The following MTERF4 variants were observed in gnomAD, a reference collection of about 807,000 sequenced individuals.
MTERF4 encodes the protein mitochondrial transcription termination factor 4.
Under a neutral mutation model 22.5 loss-of-function variants are expected in MTERF4, and 17 were observed. That is an observed-to-expected ratio of 0.75 (90% CI 0.52 to 1.13). The LOEUF (loss-of-function observed/expected upper bound fraction) is 1.13, where lower values mean the gene tolerates loss of function less well. Among genes scored for constraint, MTERF4 ranks in the 50% most tolerant of loss-of-function variants. The probability of loss-of-function intolerance (pLI) is 0.00; values close to 1 mark genes in which losing one functional copy is unlikely to be tolerated. For synonymous variants in MTERF4, 165 were observed against 175.3 expected, an observed-to-expected ratio of 0.94 and a Z score of 0.47; for missense variants, 420 against 466.8, an observed-to-expected ratio of 0.90 and a Z score of 0.92.
At chr2:241,067,911 C>A, downstream of MTERF4, 1 of 1,613,388 alleles carries the variant, frequency 6.2e-7, no homozygotes, top group Non-Finnish European at 8.5e-7. Flanking sequence ...GACCAGGCCA[C>A]CGATGTGGAC....
At chr2:241,072,313 G>A (rs368313016) in exon 5 of MTERF4, 24 of 428,600 alleles carry the variant, frequency 5.6e-5, no homozygotes, top group African/African-American at 2.2e-4. Flanking sequence ...AGATCTTCCC[G>A]GTGGCAGCAA....
chr2:241,102,233 C>A lies in MTERF4; in HGVS notation c.21+20G>T, dbSNP rs2064746821. 2 of 1,548,774 alleles carry A rather than the reference C, an allele frequency of 1.3e-6. No homozygotes were observed. Among genetic ancestry groups the A allele is most frequent in the Non-Finnish European group, 1.7e-6 (2 of 1,145,896 alleles). On this transcript the variant is annotated intron_variant, in intron 1 of 3. Transcript: ENST00000391980. ...CCCGCCTGCGACCCGGAGAAGCCCG[C>A]GCGCCCAGCTCGAGCTTACCTGACG...
At chr2:241,094,075 A>G (rs530873762), downstream of MTERF4, 107 of 333,468 alleles carry the variant, frequency 3.2e-4, no homozygotes, top group African/African-American at 2.2e-3. This position sits in a 1 kb window ranked among gnomAD's most constrained non-coding sequence, Gnocchi z 4.3. Flanking sequence ...CCACAATGGA[A>G]GAGAAAATGA....
chr2:241,101,468 A>G (rs568684813), intron 1 of MTERF4, among the ~76,000 whole-genome samples: 26 of 152,156 alleles, frequency 1.7e-4, no homozygotes, highest in Admixed American at 2.6e-4. Flanking sequence ...TAGGCAAGGG[A>G]CGGTACCGGG....
chr2:241,052,144 G>T, the MTERF4 span: 547 of 1,613,606 alleles, frequency 3.4e-4, 6 homozygotes, highest in South Asian at 4.3e-3. Flanking sequence ...TCTCCGGGCG[G>T]CACTGCGAGA....
the MTERF4 span, chr2:241,051,544 G>A: frequency 2.0e-5 from 9 of 448,220 alleles, no homozygotes; most frequent in Non-Finnish European, 3.5e-5. This position sits in a 1 kb window ranked among gnomAD's most constrained non-coding sequence, Gnocchi z 4.7. Context: ...TGACTGAGTT[G>A]GGGTCTCCAG....
chr2:241,042,696 A>G, the MTERF4 span, among the ~76,000 whole-genome samples: 1 of 152,132 alleles, frequency 6.6e-6, no homozygotes. Context: ...AAACTTGTAG[A>G]AATGAAAAAT....
the MTERF4 span, chr2:241,048,607 G>T: frequency 2.6e-6 from 4 of 1,532,636 alleles, no homozygotes; most frequent in Non-Finnish European, 3.6e-6. Flanking sequence ...TCTGGAGCGA[G>T]GGTGCCATCT....
chr2:241,066,371 T>C, the MTERF4 span, among the ~76,000 whole-genome samples: 1 of 152,074 alleles, frequency 6.6e-6, no homozygotes, highest in Non-Finnish European at 1.5e-5. Context: ...AACATGGCAG[T>C]GGACGGACAG....
chr2:241,071,954 C>G, downstream of MTERF4: 1 of 1,216,190 alleles, frequency 8.2e-7, no homozygotes, highest in Non-Finnish European at 1.2e-6. Context: ...GGTCCTGTCC[C>G]CTACATGATG....
the MTERF4 span, chr2:241,048,999 G>T: frequency 6.3e-7 from 1 of 1,579,700 alleles, no homozygotes; most frequent in Non-Finnish European, 8.7e-7. Flanking sequence ...AATATGGGAT[G>T]GGGCTTCCTC....
At chr2:241,051,806 G>A in the MTERF4 span, 28 of 1,562,002 alleles carry the variant, frequency 1.8e-5, no homozygotes, top group East Asian at 1.4e-4. The surrounding 1 kb of genome is among the most constrained non-coding windows in gnomAD (Gnocchi z 4.7). Context: ...GGAGGCGGGC[G>A]GCGAGTACCA....
At chr2:241,065,013 G>C in the MTERF4 span, 1 of 1,355,052 alleles carries the variant, frequency 7.4e-7, no homozygotes, top group Admixed American at 2.5e-5. Context: ...CCTCTCCCTA[G>C]AGGGCCCAAC....
At chr2:241,066,246 G>A in the MTERF4 span, among the ~76,000 whole-genome samples, 1 of 152,138 alleles carries the variant, frequency 6.6e-6, no homozygotes, top group African/African-American at 2.4e-5. Context: ...CACAGCCTGT[G>A]GGGTTGTTGC....
At chr2:241,088,387 C>T, downstream of MTERF4, 1 of 1,612,098 alleles carries the variant, frequency 6.2e-7, no homozygotes. Flanking sequence ...GAGTCAGACA[C>T]TGGAGAAATC....
downstream of MTERF4, chr2:241,071,624 C>T (rs757305918): frequency 1.8e-5 from 28 of 1,586,542 alleles, no homozygotes; most frequent in Non-Finnish European, 2.3e-5. Flanking sequence ...GGACACCACC[C>T]TCGGGTGCTC....
At chr2:241,080,409 G>C (rs912374371) in intron 4 of MTERF4, among the ~76,000 whole-genome samples, 6 of 152,268 alleles carry the variant, frequency 3.9e-5, no homozygotes, top group African/African-American at 1.4e-4. Flanking sequence ...TCATTGAAAG[G>C]CCTGAAGCTG....
chr2:241,042,650 G>GA, the MTERF4 span, among the ~76,000 whole-genome samples: 5 of 151,974 alleles, frequency 3.3e-5, no homozygotes, highest in Non-Finnish European at 1.5e-5. Context: ...TTGTTGAGGG[G>GA]AAAAAAACCT....
intron 1 of MTERF4, among the ~76,000 whole-genome samples, chr2:241,100,604 A>G (rs1022377514): frequency 1.3e-5 from 2 of 152,134 alleles, no homozygotes; most frequent in African/African-American, 4.8e-5. Context: ...AGCTGGGACT[A>G]CAGGTGCACA....
Sources: gnomAD v4.1 joint callset for allele counts (sites outside exome capture counted in the v4.1 genomes callset) on GRCh38, gnomAD v4.1.1 for gene constraint, Gnocchi (gnomAD v3.1) non-coding constraint, MANE v1.5 for transcripts, NCBI Gene and HGNC (gene_info 2026-07-23, HGNC 2026-07-21) for gene names.